Variants in CD5 observed in about 807,000 individuals in gnomAD.
CD5 encodes the protein CD5 molecule.
Under a neutral mutation model 60.3 loss-of-function variants are expected in CD5, and 36 were observed. The ratio of observed to expected loss-of-function variants is 0.60; its 90% CI spans 0.46 to 0.79. The LOEUF is 0.79. CD5 is among the 30% of genes least tolerant of loss of function. The pLI is 0.00. For missense variants in CD5, 540 were observed against 630.6 expected (o/e 0.86, Z 1.54); for synonymous variants, 230 against 257.6 (o/e 0.89, Z 1.03).
Position 61,104,906 on chromosome 11 carries a change from G to A in CD5, c.55+2291G>A, listed in dbSNP as rs182748014. 8.7e-4 allele frequency among the ~76,000 whole-genome samples: 132 copies of A among 152,302 alleles called. 1 individual carries two copies. Among genetic ancestry groups the A allele is most frequent in the African/African-American group, 3.2e-3 (131 of 41,558 alleles). ...CAGAGGCCCCTCCCTTAGCTAAAAG[G>A]GAAGGCCACCAAAGGCACTTCCGTG... On this transcript the variant is annotated intron_variant, in intron 1 of 10. Coordinates refer to ENST00000347785, the MANE Select transcript of CD5 (RefSeq NM_014207.4).
intron 7 of CD5, 83 bp from the exon 8 acceptor site, chr11:61,123,801 G>A: frequency 1.3e-6 from 1 of 755,846 alleles, no homozygotes. Flanking sequence ...TCCCTCCCAG[G>A]CCCAGCCCCA....
At chr11:61,125,893 G>T in intron 10 of CD5, 52 bp downstream of exon 10, 1 of 1,326,652 alleles carries the variant, frequency 7.5e-7, no homozygotes. Context: ...CCACAGTCCT[G>T]GGGGTGAGCA....
upstream of CD5, among the ~76,000 whole-genome samples, chr11:61,099,426 G>A (rs1189945757): frequency 1.3e-5 from 1 of 74,776 alleles, no homozygotes; most frequent in Non-Finnish European, 2.6e-5. Context: ...CATCAACATG[G>A]AGATCACACA....
At chr11:61,109,305 C>T (rs1465166929) in intron 1 of CD5, among the ~76,000 whole-genome samples, 2 of 152,162 alleles carry the variant, frequency 1.3e-5, no homozygotes, top group African/African-American at 2.4e-5. Context: ...GCATATGTTT[C>T]GCTGCAGACA....
chr11:61,098,627 C>A (rs1860614175), upstream of CD5, among the ~76,000 whole-genome samples: 1 of 152,184 alleles, frequency 6.6e-6, no homozygotes. Flanking sequence ...TCAGTGCATG[C>A]AGCCCCCAGT....
At chr11:61,104,184 G>T (rs373581962) in intron 1 of CD5, among the ~76,000 whole-genome samples, 1 of 152,118 alleles carries the variant, frequency 6.6e-6, no homozygotes, top group African/African-American at 2.4e-5. Context: ...ATGTGTGTGA[G>T]AACTGTGTGT....
At chr11:61,103,129 C>A (rs2134590573) in intron 1 of CD5, among the ~76,000 whole-genome samples, 1 of 152,324 alleles carries the variant, frequency 6.6e-6, no homozygotes, top group East Asian at 1.9e-4. Flanking sequence ...ATGTCAAGGA[C>A]TCATAGCGGA....
intron 1 of CD5, among the ~76,000 whole-genome samples, chr11:61,103,253 C>A (rs1719671750): frequency 6.6e-6 from 1 of 152,242 alleles, no homozygotes; most frequent in South Asian, 2.1e-4. Context: ...GTTGTAAGCC[C>A]AACCCTGTGT....
At chr11:61,108,573 C>T (rs1162042536) in intron 1 of CD5, among the ~76,000 whole-genome samples, 1 of 152,192 alleles carries the variant, frequency 6.6e-6, no homozygotes, top group African/African-American at 2.4e-5. Context: ...AGATGACTGT[C>T]GTTTCAGAAA....
Position 61,115,130 on chromosome 11 carries a change from G to C in CD5, c.94+36G>C, listed in dbSNP as rs1430790099. On this transcript the variant is annotated intron_variant, in intron 2 of 10. Coordinates refer to ENST00000347785, the MANE Select transcript of CD5 (RefSeq NM_014207.4). ...GCCACATGGAGAAAGGCCTGGGGCA[G>C]GGGGAGAGTGGGGCTGTGGTTTCAT... 4.6e-6 allele frequency: 7 copies of C among 1,536,542 alleles called. No individual in the cohort carries two copies. The South Asian group carries it at 8.4e-5, about 18-fold the overall frequency.
chr11:61,120,965 G>A (rs1023424469), intron 5 of CD5, among the ~76,000 whole-genome samples: 2 of 152,234 alleles, frequency 1.3e-5, no homozygotes, highest in Non-Finnish European at 2.9e-5. Context: ...AAGCTGGTGA[G>A]ATCACAACTC....
At position 61,119,457 on chromosome 11, in the gene CD5, A is replaced by T; in HGVS notation, c.687A>T (p.Glu229Asp). 1 of 1,614,226 alleles carries T rather than the reference A, an allele frequency of 6.2e-7. No individual in the cohort carries two copies. Among genetic ancestry groups the T allele is most frequent in the East Asian group, 2.2e-5 (1 of 44,884 alleles). Residue 229 changes from glutamate (E) to aspartate (D), a missense_variant, in exon 5 of 11, where the codon GAA (glutamate) becomes GAT (aspartate). Transcript: ENST00000347785. ...CCCAAGACCCAGGGGAGCCACGGGA[A>T]CACCAGCCCTTGCCAATCCAATGGA... ...GRAQDPGEPR[E>D]HQPLPIQWKI... is the part of the protein sequence containing the mutation.
chr11:61,101,244 AC>A (rs1860678705), upstream of CD5, among the ~76,000 whole-genome samples: 1 of 111,912 alleles, frequency 8.9e-6, no homozygotes, highest in African/African-American at 3.1e-5. Context: ...GATCACATTC[AC>A]ACACATCAAC....
intron 1 of CD5, among the ~76,000 whole-genome samples, chr11:61,109,651 G>A (rs914909677): frequency 6.6e-6 from 1 of 152,154 alleles, no homozygotes; most frequent in Non-Finnish European, 1.5e-5. Context: ...GAGAGGGACA[G>A]GGAGGAGGAT....
chr11:61,100,556 A>ACATT (rs1860656410), upstream of CD5, among the ~76,000 whole-genome samples: 2 of 120,316 alleles, frequency 1.7e-5, no homozygotes, highest in African/African-American at 3.6e-5. Flanking sequence ...CATGGAGATC[A>ACATT]CACACACACA....
upstream of CD5, among the ~76,000 whole-genome samples, chr11:61,100,440 C>T (rs544567558): frequency 6.7e-6 from 1 of 148,626 alleles, no homozygotes; most frequent in African/African-American, 2.5e-5. Context: ...AGATCACACA[C>T]ACACAACATG....
At chr11:61,124,977 A>G in intron 8 of CD5, 55 bp from the exon 9 acceptor site, 1 of 1,610,044 alleles carries the variant, frequency 6.2e-7, no homozygotes, top group East Asian at 2.2e-5. Context: ...CCTGCTGGGG[A>G]AGGAGACGGA....
chr11:61,124,930 C>T, intron 8 of CD5, 102 bp from the exon 9 acceptor site: 1 of 1,446,736 alleles, frequency 6.9e-7, no homozygotes, highest in Non-Finnish European at 9.5e-7. Context: ...CCTCTCCCCG[C>T]TAACATCATG....
rs1860718368 is a variant in CD5 at position 61,102,817 on chromosome 11, G to A, written c.55+202G>A. Among the ~76,000 whole-genome samples the A allele has an allele frequency of 2.0e-5, 3 of 152,222 alleles. No homozygotes were observed. In the South Asian group the frequency reaches 6.2e-4, roughly 32 times the overall value. On this transcript the variant is annotated intron_variant, in intron 1 of 10. Transcript: ENST00000347785. ...CTGTCCTGCATGTCCCACCCGCCAG[G>A]AGCACAACCTTGCCTCTCTCATGCG...
Sources: allele counts gnomAD v4.1 joint callset (sites outside exome capture counted in the v4.1 genomes callset), GRCh38; gene constraint gnomAD v4.1.1; transcripts MANE v1.5; gene names NCBI Gene and HGNC (gene_info 2026-07-23, HGNC 2026-07-21).